NRXN1: variants seen among roughly 807,000 people sequenced by gnomAD.
The protein encoded by NRXN1 is neurexin 1.
In NRXN1, 39 loss-of-function variants were observed where a neutral mutation model predicts 150.9. The observed-to-expected ratio is 0.26, with a 90% CI of 0.20 to 0.34. The LOEUF (loss-of-function observed/expected upper bound fraction) is 0.34. Among genes scored for constraint, NRXN1 ranks in the 10% least tolerant of loss-of-function variants. NRXN1 has a pLI of 1.00. For synonymous variants in NRXN1, 924 were observed against 757.0 expected (o/e 1.22, Z -3.62); for missense variants, 1,815 against 1,949.9 (o/e 0.93, Z 1.30).
intron 5 of NRXN1, among the ~76,000 whole-genome samples, chr2:50,876,748 T>C (rs749667491): frequency 1.3e-5 from 2 of 151,874 alleles, no homozygotes; most frequent in Non-Finnish European, 2.9e-5. Flanking sequence ...CGTTCGGCTC[T>C]TTATTTTTAA....
chr2:50,465,321 T>A lies in NRXN1; in HGVS notation c.3364+121A>T, dbSNP rs12713101. Reference sequence around the variant, plus strand: ...CTTTCCGTAGAAACAACTGCTTCTATGGGTTATGACAGTTCGACTGACTCA... The same window carrying A: ...CTTTCCGTAGAAACAACTGCTTCTAAGGGTTATGACAGTTCGACTGACTCA... On this transcript the variant is annotated intron_variant, in intron 17 of 22. Coordinates refer to ENST00000401669, the MANE Select transcript of NRXN1 (RefSeq NM_001330078.2). The A allele has an allele frequency of 0.42, 375,802 of 884,454 alleles. 86,684 individuals are homozygous for A. Among genetic ancestry groups the A allele is most frequent in the Middle Eastern group, 0.56 (2,087 of 3,734 alleles). 54.8% of individuals were successfully genotyped at this position (884,454 alleles called of 1,614,324 possible).
chr2:50,078,494 C>T (rs1250421574), intron 19 of NRXN1, among the ~76,000 whole-genome samples: 1 of 151,858 alleles, frequency 6.6e-6, no homozygotes, highest in Non-Finnish European at 1.5e-5. Context: ...TGATAATAAA[C>T]TGTTGACTAA....
At chr2:49,976,409 G>A (rs1678999612) in intron 21 of NRXN1, among the ~76,000 whole-genome samples, 1 of 152,088 alleles carries the variant, frequency 6.6e-6, no homozygotes, top group African/African-American at 2.4e-5. Context: ...AGGAGACTGA[G>A]TTCAAAGGTA....
chr2:50,446,525 C>T (rs1573001386), intron 17 of NRXN1, among the ~76,000 whole-genome samples: 2 of 140,540 alleles, frequency 1.4e-5, no homozygotes, highest in Admixed American at 7.1e-5. Flanking sequence ...TCCCTCCCTC[C>T]CTTCCTTCCT....
intron 8 of NRXN1, among the ~76,000 whole-genome samples, chr2:50,592,515 T>G (rs1248987974): frequency 6.6e-6 from 1 of 152,140 alleles, no homozygotes; most frequent in Admixed American, 6.5e-5. Flanking sequence ...GGCAGGGAGG[T>G]TCTCTTAGCT....
intron 18 of NRXN1, among the ~76,000 whole-genome samples, chr2:50,232,460 C>G (rs1467207325): frequency 6.8e-6 from 1 of 147,132 alleles, no homozygotes; most frequent in Non-Finnish European, 1.5e-5. Context: ...GATCTCGGCT[C>G]ACTGCAACCT....
At chr2:50,655,243 T>C (rs1295860283) in intron 5 of NRXN1, among the ~76,000 whole-genome samples, 1 of 145,990 alleles carries the variant, frequency 6.8e-6, no homozygotes, top group African/African-American at 2.6e-5. Context: ...GTATCTTTCA[T>C]ATTTTTCAAA....
chr2:50,907,259 C>A (rs1052643271), intron 5 of NRXN1, among the ~76,000 whole-genome samples: 1 of 151,740 alleles, frequency 6.6e-6, no homozygotes, highest in African/African-American at 2.4e-5. Flanking sequence ...AGATTATACT[C>A]TTTTGTCCAA....
At chr2:50,436,271 T>C (rs2085420983) in intron 17 of NRXN1, among the ~76,000 whole-genome samples, 1 of 152,084 alleles carries the variant, frequency 6.6e-6, no homozygotes, top group East Asian at 1.9e-4. Flanking sequence ...CTGACCAACA[T>C]GGAAAAACCG....
intron 19 of NRXN1, among the ~76,000 whole-genome samples, chr2:50,079,766 G>T (rs527452799): frequency 6.6e-6 from 1 of 152,114 alleles, no homozygotes; most frequent in African/African-American, 2.4e-5. Context: ...AAATTATCTA[G>T]TAAGAGGAGC....
intron 18 of NRXN1, among the ~76,000 whole-genome samples, chr2:50,181,254 A>T (rs73932976): frequency 0.24 from 36,610 of 151,860 alleles, 5,456 homozygotes; most frequent in East Asian, 0.4. Context: ...AAAAAAACCT[A>T]TGTATTGCAA....
intron 17 of NRXN1, among the ~76,000 whole-genome samples, chr2:50,436,116 T>C (rs975231368): frequency 5.9e-5 from 9 of 152,170 alleles, no homozygotes; most frequent in African/African-American, 1.7e-4. Flanking sequence ...ATTTAATCTA[T>C]TGTTCTTCCT....
chr2:50,935,500 C>T (rs1011758840), intron 2 of NRXN1, among the ~76,000 whole-genome samples: 1 of 152,000 alleles, frequency 6.6e-6, no homozygotes, highest in Non-Finnish European at 1.5e-5. Context: ...TTCGGGAGGC[C>T]AAGGCAGGCA....
Position 50,375,585 on chromosome 2 carries a change from CAG to C in NRXN1, c.3364+89855_3364+89856del, listed in dbSNP as rs557230379. On this transcript the variant is annotated intron_variant, in intron 17 of 22. Coordinates refer to ENST00000401669, the MANE Select transcript of NRXN1 (RefSeq NM_001330078.2). The stretch of plus-strand genomic sequence containing the variant: ...GAAACTATAGAAAAAAATTAGGAAA[CAG>C]AATAATCTTTTAAAATATCTTTGTA... Among the ~76,000 whole-genome samples, 440 of 149,498 alleles carry C rather than the reference CAG, an allele frequency of 2.9e-3. 1 individual carries two copies. Among genetic ancestry groups the C allele is most frequent in the African/African-American group, 0.01 (408 of 40,156 alleles).
intron 2 of NRXN1, among the ~76,000 whole-genome samples, chr2:50,969,072 T>C (rs1044283136): frequency 6.6e-6 from 1 of 152,070 alleles, no homozygotes; most frequent in Non-Finnish European, 1.5e-5. Flanking sequence ...ACTTAGCAAA[T>C]TGGCCAGTGA....
chr2:50,202,021 G>A (rs1297215148), intron 18 of NRXN1, among the ~76,000 whole-genome samples: 1 of 152,110 alleles, frequency 6.6e-6, no homozygotes, highest in African/African-American at 2.4e-5. Flanking sequence ...TCCTAATCAA[G>A]ACATTATGCC....
At chr2:50,811,800 T>C (rs1668250141) in intron 5 of NRXN1, among the ~76,000 whole-genome samples, 2 of 152,336 alleles carry the variant, frequency 1.3e-5, no homozygotes, top group South Asian at 2.1e-4. Flanking sequence ...ATATGAAAGA[T>C]GATCATGTCT....
chr2:50,619,873 C>A (rs1679683846), intron 8 of NRXN1, 149 bp downstream of exon 8: 2 of 615,442 alleles, frequency 3.2e-6, no homozygotes, highest in East Asian at 3.1e-5. Context: ...TTCCCTCCCC[C>A]AATCCTACAT....
chr2:50,636,650 G>A (rs756853118), intron 5 of NRXN1, among the ~76,000 whole-genome samples: 2 of 152,048 alleles, frequency 1.3e-5, no homozygotes, highest in Non-Finnish European at 2.9e-5. Flanking sequence ...CTACCTCTTT[G>A]TGCTTCTAGA....
Sources: gnomAD v4.1 joint callset for allele counts (sites outside exome capture counted in the v4.1 genomes callset) on GRCh38, gnomAD v4.1.1 for gene constraint, MANE v1.5 for transcripts, NCBI Gene and HGNC (gene_info 2026-07-23, HGNC 2026-07-21) for gene names.